Variants in NOP9 observed in about 807,000 individuals in gnomAD.
The protein encoded by NOP9 is NOP9 nucleolar protein, also known as nucleolar protein 9.
NOP9 carries 50 observed loss-of-function variants against 63.0 expected under a neutral mutation model. That is an observed-to-expected ratio of 0.79 (90% CI 0.63 to 1.00). NOP9 has a LOEUF of 1.00. Ranked by LOEUF, NOP9 falls within the 50% of genes least tolerant of loss-of-function variation. The pLI is 0.00. For synonymous variants in NOP9, 343 were observed against 332.8 expected, an observed-to-expected ratio of 1.03 and a Z score of -0.33; for missense variants, 758 against 803.0, an observed-to-expected ratio of 0.94 and a Z score of 0.68.
chr14:24,300,340 T>G, intron 1 of NOP9, 68 bp from the exon 2 acceptor site: 1 of 1,563,626 alleles, frequency 6.4e-7, no homozygotes, highest in Non-Finnish European at 8.7e-7. Context: ...CGACCCTTGG[T>G]TAAGCGAGGG....
chr14:24,301,666 A>C lies in NOP9; in HGVS notation c.752A>C (p.Glu251Ala), dbSNP rs1359670592. The change falls in exon 3 of 10, where the codon GAA (glutamate) becomes GCA (alanine). Residue 251 changes from glutamate to alanine, a missense_variant. Physicochemically the swap from Glu to Ala is moderately radical, Grantham distance 107 (BLOSUM62 -1). Transcript: ENST00000267425. The part of the protein sequence containing the change: ...ECKPADFEVP[E>A]TFLNRLQDLS... ...AAGCCAGCTGATTTTGAAGTCCCTG[A>C]AACCTTTTTGAATCGCCTTCAGGAC... 2 of 1,614,076 alleles carry C rather than the reference A, an allele frequency of 1.2e-6. No homozygotes were observed. The highest frequency in any genetic ancestry group is 2.2e-5 in the South Asian group (2 of 91,084).
Position 24,307,405 on chromosome 14 carries a change from AG to A in NOP9, c.*2312del. On this transcript the variant is annotated 3_prime_UTR_variant, in exon 10 of 10. Transcript: ENST00000267425. Reference sequence around the variant, plus strand: ...CAGCTCCTGGCGGGTGGCAGCTGTCAGGCCTTTCCGGATGGTCCGCTTGTGA... The same window carrying A: ...CAGCTCCTGGCGGGTGGCAGCTGTCAGCCTTTCCGGATGGTCCGCTTGTGA... 6.2e-7 allele frequency: 1 copy of A among 1,613,880 alleles called. No homozygotes were observed. Among genetic ancestry groups the A allele is most frequent in the South Asian group, 1.1e-5 (1 of 91,068 alleles).
chr14:24,304,243 G>C lies in NOP9; in HGVS notation c.1613G>C (p.Arg538Pro), dbSNP rs1179196451. ...DAILTSPSVTRKLRRRVLQNL... is the reference protein window; with the variant it reads ...DAILTSPSVTPKLRRRVLQNL... Reference sequence around the variant, plus strand: ...ATCCTGACCAGCCCCTCTGTGACGCGCAAGCTGCGCCGCCGTGTGCTGCAG... The same window carrying C: ...ATCCTGACCAGCCCCTCTGTGACGCCCAAGCTGCGCCGCCGTGTGCTGCAG... The change falls in exon 8 of 10, where the codon CGC becomes CCC. Residue 538 changes from arginine (R) to proline (P), a missense_variant. By Grantham distance (103) the Arg-to-Pro change is moderately radical (BLOSUM62 -2). Coordinates refer to ENST00000267425, the MANE Select transcript of NOP9 (RefSeq NM_174913.3). 2.5e-6 allele frequency: 4 copies of C among 1,614,008 alleles called. No individual in the cohort carries two copies. Among genetic ancestry groups the C allele is most frequent in the Non-Finnish European group, 3.4e-6 (4 of 1,180,000 alleles).
Position 24,306,428 on chromosome 14 carries a change from C to T in NOP9, c.*1333C>T. ...GCAACACCATCAGGCACGTGTCATC[C>T]TCCAGCAGCTGGAAGAAGTCCTCAC... On this transcript the variant is annotated 3_prime_UTR_variant, in exon 10 of 10. Transcript: ENST00000267425. 6.2e-7 allele frequency: 1 copy of T among 1,614,232 alleles called. No individual in the cohort carries two copies. Among genetic ancestry groups the T allele is most frequent in the Non-Finnish European group, 8.5e-7 (1 of 1,180,026 alleles).
chr14:24,301,716 A>G lies in NOP9; in HGVS notation c.802A>G (p.Ile268Val). The change falls in exon 3 of 10, where the codon ATT (isoleucine) becomes GTT (valine). Residue 268 changes from isoleucine to valine, a missense_variant. Physicochemically the swap from Ile to Val is conservative, Grantham distance 29 (BLOSUM62 3). Coordinates refer to ENST00000267425, the MANE Select transcript of NOP9 (RefSeq NM_174913.3). ...CCTGAGCTCCTCCTTTCTGAAGGAC[A>G]TTGCAGGTAAGGAGGGAAGTAGGAG... ...QDLSSSFLKDIAVFITDKISS... is the reference protein window; with the variant it reads ...QDLSSSFLKDVAVFITDKISS... The G allele has an allele frequency of 6.2e-7, 1 of 1,614,114 alleles. No individual in the cohort carries two copies. Among genetic ancestry groups the G allele is most frequent in the Non-Finnish European group, 8.5e-7 (1 of 1,179,958 alleles).
chr14:24,291,488 G>A, the NOP9 span: 3 of 1,515,824 alleles, frequency 2.0e-6, no homozygotes, highest in Admixed American at 3.3e-5. Flanking sequence ...CCAGATCTGG[G>A]CACTGGATGC....
chr14:24,300,291 G>C, intron 1 of NOP9, 90 bp downstream of exon 1: 6 of 1,571,262 alleles, frequency 3.8e-6, no homozygotes, highest in Non-Finnish European at 5.2e-6. Flanking sequence ...TGGGGACTTA[G>C]TTTCATTTCC....
chr14:24,304,134 G>A lies in NOP9; in HGVS notation c.1504G>A (p.Val502Ile). The A allele has an allele frequency of 6.2e-7, 1 of 1,614,252 alleles. No individual in the cohort carries two copies. Among genetic ancestry groups the A allele is most frequent in the South Asian group, 1.1e-5 (1 of 91,084 alleles). ...GCTGCACTTCTCCACTCCTGGTCTT[G>A]TACTTCGAAGTCTGGGTGCCTTGAC... ...HLLHFSTPGL[V>I]LRSLGALTGP... The change falls in exon 8 of 10, where the codon GTA (valine) becomes ATA (isoleucine). Residue 502 changes from valine to isoleucine, a missense_variant. Transcript: ENST00000267425.
At position 24,307,411 on chromosome 14, in the gene NOP9, T is replaced by C. The variant is rs141301146; in HGVS notation, c.*2316T>C. ...CTGGCGGGTGGCAGCTGTCAGGCCT[T>C]TCCGGATGGTCCGCTTGTGATCACA... On this transcript the variant is annotated 3_prime_UTR_variant, in exon 10 of 10. Transcript: ENST00000267425. 3.5e-5 allele frequency: 56 copies of C among 1,613,848 alleles called. No homozygotes were observed. Among genetic ancestry groups the C allele is most frequent in the Non-Finnish European group, 4.5e-5 (53 of 1,179,958 alleles).
upstream of NOP9, chr14:24,299,188 G>T (rs2041321197): frequency 6.8e-7 from 1 of 1,477,748 alleles, no homozygotes. Flanking sequence ...GTGTTGGGGC[G>T]AGGTTGGGGG....
At chr14:24,301,847 G>A in intron 3 of NOP9, 118 bp from the exon 4 acceptor site, 2 of 1,454,662 alleles carry the variant, frequency 1.4e-6, no homozygotes, top group Admixed American at 1.7e-5. Context: ...GACGTTCAGA[G>A]CACTTTGTAT....
chr14:24,296,400 A>C, upstream of NOP9: 1 of 1,059,622 alleles, frequency 9.4e-7, no homozygotes, highest in East Asian at 2.4e-5. Context: ...GGGAGAAGAA[A>C]GAGATGGGGG....
At chr14:24,276,550 CAA>C in the NOP9 span, among the ~76,000 whole-genome samples, 2 of 152,138 alleles carry the variant, frequency 1.3e-5, no homozygotes, top group African/African-American at 4.8e-5. Context: ...CTCAGCCTCC[CAA>C]AGTGCTGGGA....
rs1346612171 is a variant in NOP9 at position 24,302,226 on chromosome 14, C to T, written c.951-6C>T. 1.2e-6 allele frequency: 2 copies of T among 1,608,986 alleles called. No individual in the cohort carries two copies. Among genetic ancestry groups the T allele is most frequent in the African/African-American group, 2.7e-5 (2 of 74,956 alleles). On this transcript the variant is annotated splice_polypyrimidine_tract_variant and splice_region_variant and intron_variant, in intron 4 of 9. Transcript: ENST00000267425. ...TAAGACTGCCTGATGCCCTTCTTGT[C>T]CCTAGTCCCCTACTGCTATTTCTCC... is the stretch of plus-strand genomic sequence containing the variant.
At chr14:24,274,869 A>G in the NOP9 span, among the ~76,000 whole-genome samples, 29 of 149,896 alleles carry the variant, frequency 1.9e-4, no homozygotes, top group African/African-American at 6.9e-4. Flanking sequence ...CGGCCTCCCA[A>G]AGTGCTAGGA....
chr14:24,305,863 T>C lies in NOP9; in HGVS notation c.*768T>C, dbSNP rs1445672695. ...GGACTTTCCACAAGCAAGAGCTAAC[T>C]AGGGGTAGGTGGGTGCAAGAGGACG... On this transcript the variant is annotated 3_prime_UTR_variant, in exon 10 of 10. Transcript: ENST00000267425. The C allele has an allele frequency of 7.0e-6, 11 of 1,581,730 alleles. No homozygotes were observed. Among genetic ancestry groups the C allele is most frequent in the Non-Finnish European group, 9.5e-6 (11 of 1,160,024 alleles).
the NOP9 span, chr14:24,293,539 A>C: frequency 6.6e-6 from 1 of 151,566 alleles, no homozygotes; most frequent in Non-Finnish European, 1.5e-5. Flanking sequence ...GTGCCACTGC[A>C]CTCTAGCCTG....
In NOP9 at chr14:24,300,185, G is replaced by A. The variant is rs775747142; in HGVS notation, c.231G>A (p.Glu77=). 2.5e-6 allele frequency: 4 copies of A among 1,614,028 alleles called. No homozygotes were observed. The highest frequency in any genetic ancestry group is 3.4e-6 in the Non-Finnish European group (4 of 1,179,920). Residue 77 remains glutamate (E), a synonymous_variant, in exon 1 of 10, where the codon GAG becomes GAA. Transcript: ENST00000267425. ...RALSALKEAP[E]TGEERDLMVH... is the part of the protein sequence containing the mutation. ...TGTCAGCATTGAAAGAGGCTCCCGA[G>A]ACTGGGGAAGAACGAGGTAGGCAGC...
chr14:24,291,585 C>G, the NOP9 span: 1 of 1,614,238 alleles, frequency 6.2e-7, no homozygotes, highest in Non-Finnish European at 8.5e-7. Flanking sequence ...ACATTTGCCA[C>G]TCAATTCTGT....
Sources: gnomAD v4.1 joint callset for allele counts (sites outside exome capture counted in the v4.1 genomes callset) on GRCh38, gnomAD v4.1.1 for gene constraint, MANE v1.5 for transcripts, NCBI Gene and HGNC (gene_info 2026-07-23, HGNC 2026-07-21) for gene names.